ADCY9: variants seen among roughly 807,000 people sequenced by gnomAD.
ADCY9 encodes adenylate cyclase type 9.
A neutral mutation model predicts 101.5 loss-of-function variants in ADCY9; 50 were observed. The observed-to-expected ratio is 0.49, with a 90% confidence interval of 0.39 to 0.62. ADCY9 has a LOEUF of 0.62. Among genes scored for constraint, ADCY9 ranks in the 20% least tolerant of loss-of-function variants. The probability of loss-of-function intolerance (pLI) is 0.00; values close to 1 mark genes in which losing one functional copy is unlikely to be tolerated. For synonymous variants in ADCY9, 905 were observed against 769.3 expected (o/e 1.18, Z -2.92); for missense variants, 1,662 against 1,800.4 (o/e 0.92, Z 1.39).
intron 6 of ADCY9, among the ~76,000 whole-genome samples, chr16:3,984,757 G>A (rs940531205): frequency 6.6e-6 from 1 of 152,274 alleles, no homozygotes; most frequent in Non-Finnish European, 1.5e-5. Context: ...CAACCCCTGA[G>A]AGGCCATGGG....
At chr16:4,110,147 G>C (rs537011319) in intron 2 of ADCY9, among the ~76,000 whole-genome samples, 1 of 152,318 alleles carries the variant, frequency 6.6e-6, no homozygotes, top group African/African-American at 2.4e-5. Flanking sequence ...CACGGAGGTT[G>C]GGAACTATTA....
intron 2 of ADCY9, among the ~76,000 whole-genome samples, chr16:4,063,509 G>T (rs1040509486): frequency 3.3e-5 from 5 of 152,108 alleles, no homozygotes; most frequent in African/African-American, 1.2e-4. Flanking sequence ...AGGAGTTGAA[G>T]AAGAGCCTTG....
chr16:4,109,820 G>C (rs1483072730), intron 2 of ADCY9, among the ~76,000 whole-genome samples: 1 of 152,156 alleles, frequency 6.6e-6, no homozygotes, highest in Admixed American at 6.5e-5. Flanking sequence ...CACTAGCTCT[G>C]AAAGAGTGAA....
In ADCY9 at chr16:4,113,764, G is replaced by A; in HGVS notation, c.1679C>T (p.Ala560Val). 3 of 1,612,698 alleles carry A rather than the reference G, an allele frequency of 1.9e-6. No individual in the cohort carries two copies. The highest frequency in any genetic ancestry group is 2.5e-6 in the Non-Finnish European group (3 of 1,178,916). Residue 560 changes from alanine to valine, a missense_variant, in exon 2 of 11, where the codon GCT becomes GTT. This residue lies in a region of ADCY9 where 624 missense variants were observed against 639.1 expected (regional missense o/e 0.98). Coordinates refer to ENST00000294016, the MANE Select transcript of ADCY9 (RefSeq NM_001116.4). The part of the protein sequence containing the change: ...VIERLGQSVV[A>V]DQLKGLKTYL... The stretch of plus-strand genomic sequence containing the variant: ...AGTGCACATACCTTTCAACTGGTCA[G>A]CAACCACGCTCTGGCCCAGCCGTTC...
rs535318187 is a variant in ADCY9 at position 4,060,574 on chromosome 16, G to C, written c.1694-53016C>G. On this transcript the variant is annotated intron_variant, in intron 2 of 10. Coordinates refer to ENST00000294016, the MANE Select transcript of ADCY9 (RefSeq NM_001116.4). ...TGAATAATCATTGCCTGACCACTAA[G>C]CTATGCTGACCTGGGTTAACCCCTG... Among the ~76,000 whole-genome samples, 5 of 152,148 alleles carry C rather than the reference G, an allele frequency of 3.3e-5. No homozygotes were observed. In the East Asian group the frequency reaches 7.7e-4, roughly 23 times the overall value.
At chr16:3,986,985 G>A (rs1037684984) in intron 6 of ADCY9, among the ~76,000 whole-genome samples, 12 of 152,174 alleles carry the variant, frequency 7.9e-5, no homozygotes, top group East Asian at 5.8e-4. Flanking sequence ...CCCCTGCCAC[G>A]TCCTGCCACT....
At chr16:4,029,617 C>T (rs111339966) in intron 2 of ADCY9, among the ~76,000 whole-genome samples, 6,531 of 152,152 alleles carry the variant, frequency 0.043, 450 homozygotes, top group African/African-American at 0.15. Flanking sequence ...TGAGGTGGCA[C>T]GTGCCTGTAA....
rs750492924 is a variant in ADCY9 at position 3,966,386 on chromosome 16, C to T, written c.3451G>A (p.Asp1151Asn). 10 of 1,613,986 alleles carry T rather than the reference C, an allele frequency of 6.2e-6. No homozygotes were observed. The highest frequency in any genetic ancestry group is 5.0e-5 in the Admixed American group (3 of 60,004). The stretch of plus-strand genomic sequence containing the variant: ...AACCACAGCATGTTGTTGTTGAAGT[C>T]GTCCACCACGCGCATCATCTCCTTG... The part of the protein sequence containing the change: ...FAKEMMRVVD[D>N]FNNNMLWFNF... Residue 1151 changes from aspartate to asparagine, a missense_variant, in exon 11 of 11, where the codon GAC becomes AAC. By Grantham distance (23) the Asp-to-Asn change is conservative. Coordinates refer to ENST00000294016, the MANE Select transcript of ADCY9 (RefSeq NM_001116.4).
chr16:3,991,514 A>G (rs1158051656), intron 5 of ADCY9, among the ~76,000 whole-genome samples: 1 of 152,086 alleles, frequency 6.6e-6, no homozygotes, highest in African/African-American at 2.4e-5. Flanking sequence ...TAATCCCAGC[A>G]CTTTAGGAGG....
chr16:3,956,067 T>C (rs1414543477), intron 5 of ADCY9, among the ~76,000 whole-genome samples: 3 of 151,948 alleles, frequency 2.0e-5, no homozygotes, highest in African/African-American at 7.3e-5. Flanking sequence ...TTCTACAAGA[T>C]TTTTTGTAGA....
intron 2 of ADCY9, among the ~76,000 whole-genome samples, chr16:4,030,360 G>A (rs1054609731): frequency 6.6e-6 from 1 of 152,074 alleles, no homozygotes; most frequent in Admixed American, 6.6e-5. Flanking sequence ...ACAGGCAACA[G>A]GAATGAAGCT....
At chr16:4,100,164 GCTCT>G (rs571218587) in intron 2 of ADCY9, among the ~76,000 whole-genome samples, 1 of 151,782 alleles carries the variant, frequency 6.6e-6, no homozygotes, top group African/African-American at 2.4e-5. Context: ...CCCTTCGCAT[GCTCT>G]CTCTCTCACT....
At chr16:3,993,247 C>T in intron 4 of ADCY9, 159 bp downstream of exon 4, 1 of 1,338,362 alleles carries the variant, frequency 7.5e-7, no homozygotes, top group Non-Finnish European at 1.0e-6. Context: ...CTCGAGCTCC[C>T]TGCCGGTCTC....
Position 4,107,351 on chromosome 16 carries a change from G to A in ADCY9, c.1693+6399C>T, listed in dbSNP as rs571870153. Among the ~76,000 whole-genome samples the A allele has an allele frequency of 2.1e-4, 32 of 152,232 alleles. 1 individual carries two copies. The South Asian group carries it at 6.6e-3, about 32-fold the overall frequency. On this transcript the variant is annotated intron_variant, in intron 2 of 10. Transcript: ENST00000294016. ...GGATCACCTGAGGTCAGGAGTTCAAGACCGGCCTGGCCTACATGGTGAAAC... is the reference window on the plus strand; with the variant it reads ...GGATCACCTGAGGTCAGGAGTTCAAAACCGGCCTGGCCTACATGGTGAAAC...
intron 2 of ADCY9, among the ~76,000 whole-genome samples, chr16:4,032,543 CTT>C (rs1191065018): frequency 1.4e-5 from 2 of 144,162 alleles, no homozygotes; most frequent in Admixed American, 1.4e-4. Flanking sequence ...GAGTTTTGCT[CTT>C]GTTGCCCAGG....
chr16:4,098,204 G>A (rs113946656), intron 2 of ADCY9, among the ~76,000 whole-genome samples: 10 of 151,770 alleles, frequency 6.6e-5, no homozygotes, highest in African/African-American at 1.2e-4. Flanking sequence ...TGTCATCTAC[G>A]TTTTGGTTTG....
chr16:4,048,311 T>C (rs2056679352), intron 2 of ADCY9, among the ~76,000 whole-genome samples: 1 of 152,228 alleles, frequency 6.6e-6, no homozygotes, highest in Admixed American at 6.5e-5. Context: ...CCATGCATTG[T>C]TCAAATTTCC....
At chr16:4,036,173 G>A (rs1338402572) in intron 2 of ADCY9, among the ~76,000 whole-genome samples, 2 of 150,580 alleles carry the variant, frequency 1.3e-5, no homozygotes, top group Non-Finnish European at 2.9e-5. Flanking sequence ...TCCACCAACA[G>A]CCACAGCACC....
intron 3 of ADCY9, among the ~76,000 whole-genome samples, chr16:3,996,540 G>A (rs920669000): frequency 1.3e-5 from 2 of 152,164 alleles, no homozygotes; most frequent in African/African-American, 4.8e-5. Context: ...GGTGCTTGAT[G>A]GGGCACACCA....
Sources: allele counts gnomAD v4.1 joint callset (sites outside exome capture counted in the v4.1 genomes callset), GRCh38; gene constraint gnomAD v4.1.1; regional missense constraint gnomAD v4.1.1; transcripts MANE v1.5; gene names NCBI Gene and HGNC (gene_info 2026-07-23, HGNC 2026-07-21).